CDH23: variants seen among roughly 807,000 people sequenced by gnomAD.
CDH23 encodes cadherin-23.
Under a neutral mutation model 317.1 loss-of-function variants are expected in CDH23, and 189 were observed. The observed-to-expected ratio is 0.60, with a 90% CI of 0.53 to 0.67. The LOEUF is 0.67. CDH23 is among the 30% of genes least tolerant of loss of function. The pLI, the probability that CDH23 is intolerant of heterozygous loss-of-function variation, is 0.00. For missense variants in CDH23, 4,401 were observed against 4,592.4 expected (o/e 0.96, Z 1.20); for synonymous variants, 1,839 against 1,876.8 (o/e 0.98, Z 0.52).
chr10:71,723,062 G>A (rs1866629497), intron 28 of CDH23, among the ~76,000 whole-genome samples: 1 of 152,198 alleles, frequency 6.6e-6, no homozygotes. Flanking sequence ...GCAGGGTCAG[G>A]AAGAAAATGG....
chr10:71,580,004 G>A (rs1161054073), intron 9 of CDH23, among the ~76,000 whole-genome samples: 1 of 152,194 alleles, frequency 6.6e-6, no homozygotes, highest in Non-Finnish European at 1.5e-5. Context: ...GTGGGGAGCA[G>A]AGAGCCAGGA....
chr10:71,568,453 G>C (rs898023068), intron 7 of CDH23, among the ~76,000 whole-genome samples: 11 of 152,358 alleles, frequency 7.2e-5, no homozygotes, highest in African/African-American at 2.4e-4. Flanking sequence ...ATAGACCAGA[G>C]CTGGGCACAG....
chr10:71,611,485 G>T (rs1860890422), intron 9 of CDH23, among the ~76,000 whole-genome samples: 1 of 152,198 alleles, frequency 6.6e-6, no homozygotes. Context: ...AGACCATGGT[G>T]GTACCATCTT....
chr10:71,710,062 C>T (rs944970173), intron 27 of CDH23, among the ~76,000 whole-genome samples: 39 of 152,124 alleles, frequency 2.6e-4, no homozygotes, highest in African/African-American at 9.2e-4. Flanking sequence ...CAATGATCTC[C>T]CGCTGGCTCC....
At chr10:71,403,412 C>T (rs1219900855) in intron 1 of CDH23, among the ~76,000 whole-genome samples, 10 of 46,188 alleles carry the variant, frequency 2.2e-4, no homozygotes, top group African/African-American at 3.9e-4. Flanking sequence ...TCTTTCTCTT[C>T]CTTCCTTCCT....
intron 14 of CDH23, among the ~76,000 whole-genome samples, chr10:71,673,442 TG>T (rs1864230070): frequency 6.6e-6 from 1 of 152,222 alleles, no homozygotes; most frequent in Non-Finnish European, 1.5e-5. Context: ...CAGTGGAACC[TG>T]GGGGTGGGAA....
In CDH23 at chr10:71,679,381, T is replaced by A. The variant is rs766838640; in HGVS notation, c.1753-6T>A. 1 of 1,549,628 alleles carries A rather than the reference T, an allele frequency of 6.5e-7. No individual in the cohort carries two copies. Among genetic ancestry groups the A allele is most frequent in the South Asian group, 1.1e-5 (1 of 90,038 alleles). ...TCACGGCCCTTGTCTGCCCTCTTCC[T>A]TTCAGGCAACAGATGAAGACTCCCC... is the stretch of plus-strand genomic sequence containing the variant. On this transcript the variant is annotated splice_polypyrimidine_tract_variant and splice_region_variant and intron_variant, in intron 16 of 69. Coordinates refer to ENST00000224721, the MANE Select transcript of CDH23 (RefSeq NM_022124.6).
chr10:71,740,940 G>T lies in CDH23; in HGVS notation c.4607G>T (p.Ser1536Ile). Reference sequence around the variant, plus strand: ...GAGAGCCCCTTTGGATACAATGTCAGTGTGAATGAGGTGAGGGCAGCCCCG... The same window carrying T: ...GAGAGCCCCTTTGGATACAATGTCATTGTGAATGAGGTGAGGGCAGCCCCG... ...VIESPFGYNV[S>I]VNENVGGGTA... The change falls in exon 37 of 70, where the codon AGT becomes ATT. Residue 1536 changes from serine to isoleucine, a missense_variant. Coordinates refer to ENST00000224721, the MANE Select transcript of CDH23 (RefSeq NM_022124.6). The T allele has an allele frequency of 6.2e-7, 1 of 1,613,972 alleles. No homozygotes were observed. The highest frequency in any genetic ancestry group is 8.5e-7 in the Non-Finnish European group (1 of 1,179,874).
intron 6 of CDH23, among the ~76,000 whole-genome samples, chr10:71,545,039 C>T (rs766096087): frequency 1.3e-5 from 2 of 152,156 alleles, no homozygotes; most frequent in Non-Finnish European, 2.9e-5. Context: ...GGGAAAGCCA[C>T]GTCCACCCTG....
At position 71,806,242 on chromosome 10, in the gene CDH23, G is replaced by A. The variant is rs1328021955; in HGVS notation, c.8139G>A (p.Glu2713=). The change falls in exon 57 of 70, where the codon GAG becomes GAA. Residue 2713 remains glutamate (E), a synonymous_variant. Coordinates refer to ENST00000224721, the MANE Select transcript of CDH23 (RefSeq NM_022124.6). ...TGCAGCCGCTGCAGGTGGCCCTGGA[G>A]GACATCGATGACAACGAACCCCTTT... is the stretch of plus-strand genomic sequence containing the variant. ...ETMQPLQVAL[E]DIDDNEPLFV... The A allele has an allele frequency of 6.4e-7, 1 of 1,573,412 alleles. No individual in the cohort carries two copies. Among genetic ancestry groups the A allele is most frequent in the South Asian group, 1.2e-5 (1 of 85,610 alleles).
At chr10:71,516,597 TG>T (rs1489511289) in intron 6 of CDH23, among the ~76,000 whole-genome samples, 2 of 152,218 alleles carry the variant, frequency 1.3e-5, no homozygotes, top group Non-Finnish European at 2.9e-5. Context: ...TTGTTGTTGT[TG>T]GTTTCCTGTG....
chr10:71,595,173 C>T (rs1473585297), intron 9 of CDH23, among the ~76,000 whole-genome samples: 1 of 152,184 alleles, frequency 6.6e-6, no homozygotes, highest in Non-Finnish European at 1.5e-5. Context: ...TACTATCGAT[C>T]ACGAGTTCAT....
Position 71,751,153 on chromosome 10 carries a change from A to G in CDH23, c.4845+9232A>G. The G allele has an allele frequency of 7.2e-7, 1 of 1,385,728 alleles. No individual in the cohort carries two copies. The allele number at this position is 1,385,728 out of a possible 1,614,324, so 85.8% of individuals were successfully genotyped here. On this transcript the variant is annotated intron_variant, in intron 38 of 69. Coordinates refer to ENST00000224721, the MANE Select transcript of CDH23 (RefSeq NM_022124.6). The surrounding 1 kb of genome is among the most constrained non-coding windows in gnomAD (Gnocchi z 4.9). ...TCTGAGCCCAGAGCAGGAGGGAGGG[A>G]ACCAGGGCCGAGGCCAAGGAGGCCA... is the stretch of plus-strand genomic sequence containing the variant.
At chr10:71,415,416 C>T (rs116535201) in intron 1 of CDH23, among the ~76,000 whole-genome samples, 1 of 152,154 alleles carries the variant, frequency 6.6e-6, no homozygotes, top group East Asian at 1.9e-4. Flanking sequence ...TCTTTGTCAT[C>T]TTATTGATCA....
chr10:71,619,707 C>A (rs1861373193), intron 11 of CDH23, among the ~76,000 whole-genome samples: 1 of 152,190 alleles, frequency 6.6e-6, no homozygotes, highest in Middle Eastern at 3.2e-3. Context: ...AGGCCATAAT[C>A]CAGGCAAGCA....
chr10:71,407,120 T>G (rs1030540834), intron 1 of CDH23, among the ~76,000 whole-genome samples: 2 of 152,214 alleles, frequency 1.3e-5, no homozygotes, highest in African/African-American at 2.4e-5. Context: ...AGGCAGATTT[T>G]TGCATGAAGG....
In CDH23 at chr10:71,705,824, C is replaced by T. The variant is rs75016040; in HGVS notation, c.2953+694C>T. ...TAGCAGGCAAGACATGGCCTGTTCC[C>T]TGAGCCTGTTCAATCCCATCCTAGC... On this transcript the variant is annotated intron_variant, in intron 25 of 69. Transcript: ENST00000224721. Among the ~76,000 whole-genome samples, 261 of 152,230 alleles carry T rather than the reference C, an allele frequency of 1.7e-3. 11 individuals are homozygous for T. The East Asian group carries it at 0.046, about 27-fold the overall frequency.
At position 71,793,447 on chromosome 10, in the gene CDH23, G is replaced by A. The variant is rs550134553; in HGVS notation, c.6519G>A (p.Glu2173=). The part of the protein sequence containing the change: ...LIDDINDSRP[E]FLNPIQTVSV... ...ATGACATCAATGACTCCCGCCCCGA[G>A]TTCCTCAACCCCATCCAGACAGTGA... is the stretch of plus-strand genomic sequence containing the variant. Residue 2173 remains glutamate, a synonymous_variant, in exon 48 of 70, where the codon GAG becomes GAA. Transcript: ENST00000224721. 3.1e-6 allele frequency: 5 copies of A among 1,614,014 alleles called. No homozygotes were observed. In the African/African-American group the frequency reaches 6.7e-5, roughly 22 times the overall value.
chr10:71,514,683 A>C (rs1294617147), intron 6 of CDH23, among the ~76,000 whole-genome samples: 3 of 151,986 alleles, frequency 2.0e-5, no homozygotes, highest in Non-Finnish European at 2.9e-5. Flanking sequence ...GTAATTATCC[A>C]TTTTATCAGG....
Sources: gnomAD v4.1 joint callset for allele counts (sites outside exome capture counted in the v4.1 genomes callset) on GRCh38, gnomAD v4.1.1 for gene constraint, Gnocchi (gnomAD v3.1) non-coding constraint, MANE v1.5 for transcripts, NCBI Gene and HGNC (gene_info 2026-07-23, HGNC 2026-07-21) for gene names.